TLL2: variants seen among roughly 807,000 people sequenced by gnomAD.
TLL2 encodes tolloid like 2.
A neutral mutation model predicts 123.0 loss-of-function variants in TLL2; 106 were observed. The observed-to-expected ratio is 0.86, with a 90% confidence interval of 0.74 to 1.01. The LOEUF is 1.01. Among genes scored for constraint, TLL2 ranks in the 50% least tolerant of loss-of-function variants. The pLI is 0.00. For synonymous variants in TLL2, 494 were observed against 516.8 expected (o/e 0.96, Z 0.60); for missense variants, 1,332 against 1,336.7 (o/e 1.00, Z 0.06).
intron 1 of TLL2, 107 bp downstream of exon 1, chr10:96,513,399 CAGGGG>C (rs1847651111): frequency 9.5e-6 from 13 of 1,363,990 alleles, no homozygotes; most frequent in Admixed American, 2.0e-5. Flanking sequence ...CCGGGGATCT[CAGGGG>C]AGGGGAGGGG....
chr10:96,376,210 C>T (rs1456549586), intron 18 of TLL2, among the ~76,000 whole-genome samples: 1 of 152,202 alleles, frequency 6.6e-6, no homozygotes, highest in African/African-American at 2.4e-5. Flanking sequence ...TTTCCCTGTG[C>T]ACTGACAGTC....
chr10:96,444,975 G>A (rs1846882944), intron 3 of TLL2, among the ~76,000 whole-genome samples: 1 of 152,200 alleles, frequency 6.6e-6, no homozygotes, highest in Non-Finnish European at 1.5e-5. Context: ...AGATCACGAG[G>A]TCAGCAGACC....
chr10:96,504,107 C>T (rs1847558098), intron 1 of TLL2, among the ~76,000 whole-genome samples: 1 of 152,226 alleles, frequency 6.6e-6, no homozygotes, highest in Non-Finnish European at 1.5e-5. Flanking sequence ...CCTGCGAGTG[C>T]TCCCATCAAC....
chr10:96,423,053 C>T (rs1227462602), intron 5 of TLL2, among the ~76,000 whole-genome samples: 4 of 150,936 alleles, frequency 2.7e-5, no homozygotes, highest in Non-Finnish European at 5.9e-5. Context: ...GCTTGAACCC[C>T]GGAGGCAGAG....
At chr10:96,501,287 A>C (rs903030049) in intron 1 of TLL2, among the ~76,000 whole-genome samples, 16 of 152,098 alleles carry the variant, frequency 1.1e-4, no homozygotes, top group Admixed American at 7.9e-4. Context: ...GTTTGAGTGA[A>C]CTCATACATG....
chr10:96,426,676 C>T (rs1317202060), intron 5 of TLL2, among the ~76,000 whole-genome samples: 8 of 152,174 alleles, frequency 5.3e-5, no homozygotes, highest in African/African-American at 9.7e-5. Context: ...GTTTTGCAAA[C>T]TACTCCTTTG....
chr10:96,384,892 C>T (rs901708783), intron 15 of TLL2, 125 bp from the exon 16 acceptor site: 11 of 924,666 alleles, frequency 1.2e-5, no homozygotes, highest in Non-Finnish European at 1.7e-5. Flanking sequence ...GGTCCCTTGA[C>T]TCTTGCTACG....
intron 2 of TLL2, among the ~76,000 whole-genome samples, chr10:96,447,437 G>A (rs948407215): frequency 6.6e-6 from 1 of 152,210 alleles, no homozygotes; most frequent in African/African-American, 2.4e-5. Context: ...GCAAGTGTCC[G>A]AGTGAGACAG....
chr10:96,408,327 G>A (rs1378657024), intron 9 of TLL2, among the ~76,000 whole-genome samples: 1 of 152,246 alleles, frequency 6.6e-6, no homozygotes, highest in East Asian at 1.9e-4. Flanking sequence ...TGGTGAACAA[G>A]AGGTGATACT....
intron 15 of TLL2, 148 bp downstream of exon 15, chr10:96,385,907 C>T: frequency 1.3e-6 from 1 of 752,202 alleles, no homozygotes; most frequent in Non-Finnish European, 1.9e-6. Flanking sequence ...AGAAAACATT[C>T]CCCCAGATTC....
Position 96,367,975 on chromosome 10 carries a change from T to G in TLL2, c.*113A>C, listed in dbSNP as rs1430462565. On this transcript the variant is annotated 3_prime_UTR_variant, in exon 21 of 21. Coordinates refer to ENST00000357947, the MANE Select transcript of TLL2 (RefSeq NM_012465.4). ...TCTAAGGCTGGATTCTGAGTTTTTG[T>G]TTGAGAAAAATACTGTACACTGTTT... The G allele has an allele frequency of 1.5e-6, 2 of 1,336,468 alleles. No individual in the cohort carries two copies. The highest frequency in any genetic ancestry group is 2.9e-5 in the African/African-American group (2 of 68,348). The allele number at this position is 1,336,468 out of a possible 1,614,324, so 82.8% of individuals were successfully genotyped here.
intron 2 of TLL2, 138 bp downstream of exon 2, chr10:96,480,211 T>C: frequency 1.4e-6 from 1 of 695,224 alleles, no homozygotes; most frequent in Non-Finnish European, 2.5e-6. Context: ...GAAGGAGAAG[T>C]GACCCCTCTG....
At chr10:96,399,163 G>A (rs1164428275) in intron 10 of TLL2, among the ~76,000 whole-genome samples, 1 of 152,130 alleles carries the variant, frequency 6.6e-6, no homozygotes, top group Non-Finnish European at 1.5e-5. Context: ...GAGCCACCGC[G>A]CCTGGCTGTG....
intron 2 of TLL2, among the ~76,000 whole-genome samples, chr10:96,466,927 C>T (rs1344711420): frequency 6.6e-6 from 1 of 152,132 alleles, no homozygotes; most frequent in African/African-American, 2.4e-5. Context: ...ATGAGGAAAC[C>T]GAGGTCCCCC....
At chr10:96,433,091 T>C (rs1339464171) in intron 3 of TLL2, 129 bp from the exon 4 acceptor site, 1 of 1,304,348 alleles carries the variant, frequency 7.7e-7, no homozygotes, top group Non-Finnish European at 1.0e-6. Flanking sequence ...ATTTCATCAG[T>C]TCAGGGTTTG....
At chr10:96,486,292 G>A (rs2134107100) in intron 1 of TLL2, among the ~76,000 whole-genome samples, 1 of 152,236 alleles carries the variant, frequency 6.6e-6, no homozygotes, top group African/African-American at 2.4e-5. Context: ...AAGAAAACAA[G>A]AAAAATGTTC....
chr10:96,431,156 C>G (rs1846735048), intron 4 of TLL2, among the ~76,000 whole-genome samples: 1 of 152,034 alleles, frequency 6.6e-6, no homozygotes. Flanking sequence ...GTTAGGATAC[C>G]AAGGAACAAA....
rs768503540 is a variant in TLL2 at position 96,368,135 on chromosome 10, G to A, written c.3001C>T (p.Arg1001Ter). 2.8e-5 allele frequency: 46 copies of A among 1,614,062 alleles called. No individual in the cohort carries two copies. Among genetic ancestry groups the A allele is most frequent in the East Asian group, 6.7e-5 (3 of 44,896 alleles). ...DTINKKGFHA[R>*]YTSTKFQDAL... ...TCCTGGAACTTGGTGCTGGTGTATCGGGCATGAAAGCCTTTCTTGTTGATG... is the reference window on the plus strand; with the variant it reads ...TCCTGGAACTTGGTGCTGGTGTATCAGGCATGAAAGCCTTTCTTGTTGATG... The change falls in exon 21 of 21, where the codon CGA becomes TGA. Residue 1001 changes from arginine (R) to a stop codon, truncating the protein, a stop_gained. Transcript: ENST00000357947. LOFTEE classifies it high-confidence loss of function.
intron 2 of TLL2, among the ~76,000 whole-genome samples, chr10:96,471,680 T>C (rs1375361394): frequency 6.6e-6 from 1 of 152,188 alleles, no homozygotes; most frequent in East Asian, 1.9e-4. Flanking sequence ...TGAGTTGCCC[T>C]GAGTCCCACA....
Sources: gnomAD v4.1 joint callset for allele counts (sites outside exome capture counted in the v4.1 genomes callset) on GRCh38, gnomAD v4.1.1 for gene constraint, MANE v1.5 for transcripts, NCBI Gene and HGNC (gene_info 2026-07-23, HGNC 2026-07-21) for gene names.